ADGRB3: variants seen among roughly 807,000 people sequenced by gnomAD.
The protein encoded by ADGRB3 is adhesion G protein-coupled receptor B3, also known as brain-specific angiogenesis inhibitor 3.
ADGRB3 carries 37 observed loss-of-function variants against 193.4 expected under a neutral mutation model. That is an observed-to-expected ratio of 0.19 (90% CI 0.15 to 0.25). The LOEUF (loss-of-function observed/expected upper bound fraction) is 0.25, where lower values mean the gene tolerates loss of function less well. Among genes scored for constraint, ADGRB3 ranks in the 10% least tolerant of loss-of-function variants. ADGRB3 has a pLI of 1.00. For missense variants in ADGRB3, 1,637 were observed against 1,852.9 expected, an observed-to-expected ratio of 0.88 and a Z score of 2.14; for synonymous variants, 690 against 644.2, an observed-to-expected ratio of 1.07 and a Z score of -1.08.
chr6:68,708,584 G>A (rs1765362265), intron 3 of ADGRB3, among the ~76,000 whole-genome samples: 1 of 152,144 alleles, frequency 6.6e-6, no homozygotes, highest in Non-Finnish European at 1.5e-5. Flanking sequence ...CACGTGGTTA[G>A]ATTTTTTAAA....
intron 3 of ADGRB3, among the ~76,000 whole-genome samples, chr6:68,825,415 A>G (rs532918270): frequency 2.0e-5 from 3 of 152,364 alleles, no homozygotes; most frequent in Admixed American, 6.5e-5. Context: ...ACACATAAAC[A>G]GAATTTTCAT....
At position 69,281,788 on chromosome 6, in the gene ADGRB3, A is replaced by G. The variant is rs543116597; in HGVS notation, c.2814+42562A>G. ...AAGCATTACTCTGTGTTGGGTGCCA[A>G]TTGAAATTACATAATAGATAGCTAT... is the stretch of plus-strand genomic sequence containing the variant. On this transcript the variant is annotated intron_variant, in intron 20 of 31. Transcript: ENST00000370598. 5.9e-4 allele frequency among the ~76,000 whole-genome samples: 90 copies of G among 152,352 alleles called. No homozygotes were observed. The South Asian group carries it at 0.017, about 29-fold the overall frequency.
intron 17 of ADGRB3, among the ~76,000 whole-genome samples, chr6:69,210,166 A>ATATATATATATATATATATATATATG (rs1765631784): frequency 1.5e-5 from 2 of 130,054 alleles, no homozygotes; most frequent in African/African-American, 3.1e-5. Flanking sequence ...ATATATATAT[A>ATATATATATATATATATATATATATG]TATAAAGGGG....
chr6:68,809,032 G>C (rs1258410776), intron 3 of ADGRB3, among the ~76,000 whole-genome samples: 1 of 150,918 alleles, frequency 6.6e-6, no homozygotes, highest in East Asian at 2.0e-4. Context: ...AAAGTTATTT[G>C]AACATTCCAA....
At chr6:68,926,612 A>G (rs1411896299) in intron 3 of ADGRB3, among the ~76,000 whole-genome samples, 1 of 152,194 alleles carries the variant, frequency 6.6e-6, no homozygotes, top group Non-Finnish European at 1.5e-5. Flanking sequence ...ACACGTAAAC[A>G]AAAGATAACT....
chr6:69,043,315 A>AGAAAGAAAGAAAGAAAGAAAGAAT, intron 13 of ADGRB3, among the ~76,000 whole-genome samples: 1 of 151,512 alleles, frequency 6.6e-6, no homozygotes, highest in South Asian at 2.1e-4. Context: ...AAAGAAAGAA[A>AGAAAGAAAGAAAGAAAGAAAGAAT]GAAAGAAAGA....
At chr6:68,995,105 A>G (rs1212412182) in intron 11 of ADGRB3, among the ~76,000 whole-genome samples, 1 of 152,192 alleles carries the variant, frequency 6.6e-6, no homozygotes, top group Non-Finnish European at 1.5e-5. Flanking sequence ...TTATAATTGT[A>G]AAAGTACATT....
chr6:68,730,506 T>C (rs1482872145), intron 3 of ADGRB3, among the ~76,000 whole-genome samples: 1 of 151,632 alleles, frequency 6.6e-6, no homozygotes, highest in African/African-American at 2.4e-5. Flanking sequence ...TGAGAAAATA[T>C]GGGCACATAA....
rs151172792 is a variant in ADGRB3 at position 68,691,362 on chromosome 6, C to A, written c.757+51930C>A. On this transcript the variant is annotated intron_variant, in intron 3 of 31. Coordinates refer to ENST00000370598, the MANE Select transcript of ADGRB3 (RefSeq NM_001704.3). Reference sequence around the variant, plus strand: ...ATATTCAATAGCCTTGAAACAAGGACCAGGCATTTGGTCGATTGATAGATG... The same window carrying A: ...ATATTCAATAGCCTTGAAACAAGGAACAGGCATTTGGTCGATTGATAGATG... Among the ~76,000 whole-genome samples, 451 of 152,048 alleles carry A rather than the reference C, an allele frequency of 3.0e-3. 4 individuals carry two copies. Among genetic ancestry groups the A allele is most frequent in the African/African-American group, 0.01 (435 of 41,514 alleles).
intron 17 of ADGRB3, among the ~76,000 whole-genome samples, chr6:69,077,438 T>TTTA (rs1195743053): frequency 6.6e-6 from 1 of 152,100 alleles, no homozygotes; most frequent in African/African-American, 2.4e-5. Context: ...TTGACTTAGT[T>TTTA]TTATTATTAT....
chr6:69,145,670 T>G (rs538363111), intron 17 of ADGRB3, among the ~76,000 whole-genome samples: 1 of 152,026 alleles, frequency 6.6e-6, no homozygotes, highest in East Asian at 2.0e-4. Context: ...CTTTATTGAG[T>G]GATAGAGCAG....
intron 17 of ADGRB3, among the ~76,000 whole-genome samples, chr6:69,203,007 T>G (rs1369248096): frequency 6.6e-6 from 1 of 152,074 alleles, no homozygotes; most frequent in East Asian, 1.9e-4. Flanking sequence ...ACAGCAAATA[T>G]TATGTGAAAA....
chr6:68,765,306 G>C (rs1457387669), intron 3 of ADGRB3, among the ~76,000 whole-genome samples: 3 of 152,022 alleles, frequency 2.0e-5, no homozygotes, highest in Non-Finnish European at 4.4e-5. Context: ...AGGTCTGTCT[G>C]TTTTGTGAAG....
In ADGRB3 at chr6:69,173,157, C is replaced by T. The variant is rs144435117; in HGVS notation, c.2481-60133C>T. On this transcript the variant is annotated intron_variant, in intron 17 of 31. Coordinates refer to ENST00000370598, the MANE Select transcript of ADGRB3 (RefSeq NM_001704.3). ...GGTTCAAGTGATTCTCCTGCCTCAG[C>T]CTCCCAAGTAGCTGGGATTATGGGC... Among the ~76,000 whole-genome samples the T allele has an allele frequency of 7.0e-3, 1,072 of 152,338 alleles. 11 individuals carry two copies. The highest frequency in any genetic ancestry group is 0.024 in the African/African-American group (998 of 41,568).
At chr6:69,312,721 C>T (rs1043525366) in intron 20 of ADGRB3, among the ~76,000 whole-genome samples, 1 of 151,582 alleles carries the variant, frequency 6.6e-6, no homozygotes, top group Non-Finnish European at 1.5e-5. Context: ...TTCAAAAGTT[C>T]ATCCTAAATA....
chr6:68,985,615 A>G (rs1769048149), intron 10 of ADGRB3, among the ~76,000 whole-genome samples: 1 of 152,150 alleles, frequency 6.6e-6, no homozygotes, highest in Admixed American at 6.6e-5. Context: ...ATTCATTGCC[A>G]TTGCAAGGTC....
intron 11 of ADGRB3, among the ~76,000 whole-genome samples, chr6:69,000,656 A>C (rs868416275): frequency 1.3e-5 from 2 of 152,324 alleles, no homozygotes; most frequent in Non-Finnish European, 1.5e-5. Context: ...CTTGGTTATA[A>C]TATAAGGGTT....
chr6:68,825,200 C>G (rs1240934298), intron 3 of ADGRB3, among the ~76,000 whole-genome samples: 2 of 151,420 alleles, frequency 1.3e-5, no homozygotes, highest in Non-Finnish European at 2.9e-5. Flanking sequence ...ATTTTTTTTT[C>G]GTAAATTAAT....
intron 20 of ADGRB3, among the ~76,000 whole-genome samples, chr6:69,324,432 A>G (rs1182657156): frequency 6.6e-6 from 1 of 152,186 alleles, no homozygotes; most frequent in Non-Finnish European, 1.5e-5. Flanking sequence ...TTACAGATAT[A>G]ATTTTAACAT....
Sources: gnomAD v4.1 joint callset for allele counts (sites outside exome capture counted in the v4.1 genomes callset) on GRCh38, gnomAD v4.1.1 for gene constraint, MANE v1.5 for transcripts, NCBI Gene and HGNC (gene_info 2026-07-23, HGNC 2026-07-21) for gene names.